Variants in KCND2 observed in about 807,000 individuals in gnomAD.
The protein encoded by KCND2 is A-type voltage-gated potassium channel KCND2.
Under a neutral mutation model 54.4 loss-of-function variants are expected in KCND2, and 16 were observed. The ratio of observed to expected loss-of-function variants is 0.29; its 90% CI spans 0.20 to 0.45. KCND2 has a LOEUF of 0.45. KCND2 is among the 20% of genes least tolerant of loss of function. The pLI is 1.00. For missense variants in KCND2, 486 were observed against 824.2 expected (o/e 0.59, Z 5.02); for synonymous variants, 317 against 310.7 (o/e 1.02, Z -0.21).
At chr7:120,727,961 C>T (rs993214243) in intron 1 of KCND2, among the ~76,000 whole-genome samples, 1 of 151,532 alleles carries the variant, frequency 6.6e-6, no homozygotes, top group Non-Finnish European at 1.5e-5. Context: ...TGGTGAAACC[C>T]CTTCTCTACT....
chr7:120,363,275 G>A (rs894789621), intron 1 of KCND2, among the ~76,000 whole-genome samples: 1 of 152,064 alleles, frequency 6.6e-6, no homozygotes, highest in Non-Finnish European at 1.5e-5. Context: ...TGGCCCTTGA[G>A]CCTGGATGAC....
chr7:120,534,581 G>A (rs1255838497), intron 1 of KCND2, among the ~76,000 whole-genome samples: 1 of 152,098 alleles, frequency 6.6e-6, no homozygotes, highest in African/African-American at 2.4e-5. Flanking sequence ...TTGCATTAGG[G>A]AAAATTAACT....
intron 1 of KCND2, among the ~76,000 whole-genome samples, chr7:120,652,720 G>A (rs1791753239): frequency 6.6e-6 from 1 of 152,114 alleles, no homozygotes; most frequent in Non-Finnish European, 1.5e-5. Context: ...TACCTTCTAA[G>A]GTTTGTGTTT....
chr7:120,658,174 A>AT (rs773923058), intron 1 of KCND2, among the ~76,000 whole-genome samples: 5 of 151,548 alleles, frequency 3.3e-5, no homozygotes, highest in Non-Finnish European at 5.9e-5. Context: ...ACAAGAGGTA[A>AT]TTTTTTTTTC....
chr7:120,460,729 A>G (rs1802272463), intron 1 of KCND2, among the ~76,000 whole-genome samples: 1 of 152,166 alleles, frequency 6.6e-6, no homozygotes, highest in Admixed American at 6.6e-5. Flanking sequence ...TTATTCTATT[A>G]GTTAAAGAGA....
At chr7:120,539,397 T>G (rs1429955452) in intron 1 of KCND2, among the ~76,000 whole-genome samples, 1 of 152,158 alleles carries the variant, frequency 6.6e-6, no homozygotes, top group Non-Finnish European at 1.5e-5. Context: ...GCTGATTTCT[T>G]GCAAGGATAT....
At chr7:120,494,355 A>T (rs2116305850) in intron 1 of KCND2, among the ~76,000 whole-genome samples, 1 of 152,280 alleles carries the variant, frequency 6.6e-6, no homozygotes, top group African/African-American at 2.4e-5. Context: ...TTGAAAGGAA[A>T]CAATTTAAAC....
intron 1 of KCND2, among the ~76,000 whole-genome samples, chr7:120,364,358 A>G (rs1800637140): frequency 6.6e-6 from 1 of 152,300 alleles, no homozygotes; most frequent in South Asian, 2.1e-4. Context: ...TATTAACTCC[A>G]GAGAAAAGCA....
intron 1 of KCND2, 125 bp from the exon 2 acceptor site, chr7:120,732,778 A>T: frequency 1.4e-6 from 1 of 698,196 alleles, no homozygotes; most frequent in African/African-American, 1.8e-5. Flanking sequence ...TATATATTAT[A>T]GTCACAAAGT....
chr7:120,510,994 C>T (rs775376959), intron 1 of KCND2, among the ~76,000 whole-genome samples: 2 of 149,850 alleles, frequency 1.3e-5, no homozygotes, highest in Non-Finnish European at 3.0e-5. Context: ...TGACTTGACA[C>T]CTTTCCCCAT....
At chr7:120,610,139 TAGA>T (rs1290531558) in intron 1 of KCND2, among the ~76,000 whole-genome samples, 1 of 152,258 alleles carries the variant, frequency 6.6e-6, no homozygotes, top group Non-Finnish European at 1.5e-5. Context: ...GACTAAACTA[TAGA>T]AGATGTCCGA....
intron 1 of KCND2, among the ~76,000 whole-genome samples, chr7:120,459,810 G>A (rs1183736467): frequency 6.6e-6 from 1 of 152,058 alleles, no homozygotes; most frequent in Admixed American, 6.5e-5. Context: ...TCTAATATTT[G>A]GATGTTGTAT....
At chr7:120,703,517 G>T (rs1326645449) in intron 1 of KCND2, among the ~76,000 whole-genome samples, 1 of 152,210 alleles carries the variant, frequency 6.6e-6, no homozygotes, top group Non-Finnish European at 1.5e-5. Context: ...TGGCTTGCCA[G>T]TTTCCCTTTT....
At chr7:120,475,695 A>G (rs1802524624) in intron 1 of KCND2, among the ~76,000 whole-genome samples, 4 of 152,204 alleles carry the variant, frequency 2.6e-5, no homozygotes, top group Admixed American at 1.3e-4. Flanking sequence ...AAGCTGCCTC[A>G]TGTTAACAAT....
chr7:120,551,406 G>C (rs1208159435), intron 1 of KCND2, among the ~76,000 whole-genome samples: 1 of 152,192 alleles, frequency 6.6e-6, no homozygotes, highest in South Asian at 2.1e-4. Context: ...GACCTTCCTT[G>C]TGCCAGACAG....
intron 1 of KCND2, among the ~76,000 whole-genome samples, chr7:120,583,757 G>A (rs1446790629): frequency 6.9e-6 from 1 of 144,272 alleles, no homozygotes; most frequent in Non-Finnish European, 1.5e-5. Flanking sequence ...CTGAGATACA[G>A]GGGTTAGGAA....
intron 1 of KCND2, among the ~76,000 whole-genome samples, chr7:120,633,953 A>T (rs1000254347): frequency 2.0e-5 from 3 of 152,332 alleles, no homozygotes; most frequent in Middle Eastern, 3.4e-3. Flanking sequence ...CAAATATTTT[A>T]AAGCTCTTTG....
chr7:120,327,020 A>AT (rs34134278), intron 1 of KCND2, among the ~76,000 whole-genome samples: 6,513 of 152,126 alleles, frequency 0.043, 204 homozygotes, highest in Non-Finnish European at 0.06. Flanking sequence ...GAAAAATGCC[A>AT]TTTTTTTAGA....
intron 1 of KCND2, among the ~76,000 whole-genome samples, chr7:120,711,663 T>C (rs572797776): frequency 6.6e-6 from 1 of 152,290 alleles, no homozygotes; most frequent in Admixed American, 6.5e-5. Context: ...TATGAACAAG[T>C]AAAAGGCTTT....
Sources: allele counts gnomAD v4.1 joint callset (sites outside exome capture counted in the v4.1 genomes callset), GRCh38; gene constraint gnomAD v4.1.1; transcripts MANE v1.5; gene names NCBI Gene and HGNC (gene_info 2026-07-23, HGNC 2026-07-21).